The following HELLS variants were observed in gnomAD, a reference collection of about 807,000 sequenced individuals.
HELLS encodes the protein helicase, lymphoid specific.
Under a neutral mutation model 120.0 loss-of-function variants are expected in HELLS, and 32 were observed. That is an observed-to-expected ratio of 0.27 (90% confidence interval 0.20 to 0.36). HELLS has a LOEUF of 0.36. Among genes scored for constraint, HELLS ranks in the 10% least tolerant of loss-of-function variants. The probability of loss-of-function intolerance (pLI) is 1.00; values close to 1 mark genes in which losing one functional copy is unlikely to be tolerated. For missense variants in HELLS, 650 were observed against 993.4 expected (o/e 0.65, Z 4.65); for synonymous variants, 341 against 323.4 (o/e 1.05, Z -0.58).
chr10:94,564,757 G>T (rs929068802), intron 6 of HELLS, among the ~76,000 whole-genome samples: 2 of 151,950 alleles, frequency 1.3e-5, no homozygotes, highest in Admixed American at 1.3e-4. Flanking sequence ...GGGATTACAG[G>T]TACCTATTTG....
At chr10:94,602,191 T>C (rs1846065747), downstream of HELLS, 1 of 152,222 alleles carries the variant, frequency 6.6e-6, no homozygotes, top group Non-Finnish European at 1.5e-5. Flanking sequence ...GTTTTCTTGG[T>C]TTCATTCACT....
At chr10:94,567,912 T>TC (rs1392844981) in intron 6 of HELLS, among the ~76,000 whole-genome samples, 1 of 72,382 alleles carries the variant, frequency 1.4e-5, no homozygotes, top group Non-Finnish European at 3.1e-5. Flanking sequence ...CTGGTTTTTT[T>TC]TTTTTTTTTT....
In HELLS at chr10:94,590,527, A is replaced by G; in HGVS notation, c.1603A>G (p.Ile535Val). The G allele has an allele frequency of 3.1e-6, 5 of 1,611,970 alleles. No homozygotes were observed. The highest frequency in any genetic ancestry group is 4.2e-6 in the Non-Finnish European group (5 of 1,179,590). Residue 535 changes from isoleucine to valine, a missense_variant, in exon 14 of 22, where the codon ATA (isoleucine) becomes GTA (valine). Physicochemically the swap from Ile to Val is conservative, Grantham distance 29. Transcript: ENST00000348459. Reference protein sequence around the residue: ...PNELEKLISQIQPEVDRERAV... With the variant: ...PNELEKLISQVQPEVDRERAV... ...TGAATTGGAAAAACTGATCAGTCAA[A>G]TACAGCCAGAGGTGGACCGAGAAAG...
chr10:94,596,777 C>T (rs1463720131), intron 19 of HELLS, 83 bp from the exon 20 acceptor site: 6 of 714,800 alleles, frequency 8.4e-6, no homozygotes, highest in Non-Finnish European at 1.2e-5. Context: ...CTTCTTAATG[C>T]AAGCCATTGT....
At chr10:94,555,151 A>G (rs190019738) in intron 3 of HELLS, among the ~76,000 whole-genome samples, 64 of 150,252 alleles carry the variant, frequency 4.3e-4, no homozygotes, top group African/African-American at 1.5e-3. Context: ...TCAAAAATAA[A>G]ACAGGCTGGG....
At chr10:94,582,100 A>C (rs766874936) in intron 11 of HELLS, among the ~76,000 whole-genome samples, 1 of 152,230 alleles carries the variant, frequency 6.6e-6, no homozygotes, top group Admixed American at 6.5e-5. Flanking sequence ...TTTAAAACTG[A>C]TTACAACGGA....
intron 15 of HELLS, among the ~76,000 whole-genome samples, chr10:94,591,660 C>T (rs1473510610): frequency 2.0e-5 from 3 of 152,090 alleles, no homozygotes; most frequent in Non-Finnish European, 4.4e-5. Context: ...CCAAATATAC[C>T]CTGGGGATAG....
chr10:94,601,502 T>G (rs774585136), intron 21 of HELLS, 26 bp from the exon 22 acceptor site: 1 of 1,122,550 alleles, frequency 8.9e-7, no homozygotes, highest in East Asian at 2.4e-5. Context: ...TTCTAAAATG[T>G]ACCTGTTTTA....
At chr10:94,576,869 C>G in intron 10 of HELLS, 64 bp downstream of exon 10, 2 of 1,392,292 alleles carry the variant, frequency 1.4e-6, no homozygotes, top group Non-Finnish European at 2.0e-6. Flanking sequence ...ATTTATATCA[C>G]TTTCTCACCA....
chr10:94,558,322 C>A (rs903456566), intron 4 of HELLS, 127 bp downstream of exon 4: 3 of 1,135,202 alleles, frequency 2.6e-6, no homozygotes, highest in Non-Finnish European at 3.5e-6. Flanking sequence ...AACTTTGTTA[C>A]AAGCAATGCA....
intron 9 of HELLS, among the ~76,000 whole-genome samples, chr10:94,576,415 G>C (rs977139825): frequency 6.6e-5 from 10 of 152,000 alleles, no homozygotes; most frequent in Non-Finnish European, 4.4e-5. Flanking sequence ...GCTTCCCAAA[G>C]TGTTGAGATT....
chr10:94,613,297 A>AT (rs1307464310), exon 10 of HELLS: 2 of 151,726 alleles, frequency 1.3e-5, no homozygotes, highest in Admixed American at 6.6e-5. Context: ...CTTCCATTTT[A>AT]TTTTTTTGCA....
chr10:94,580,151 ATATAT>A (rs1433480493), intron 10 of HELLS, among the ~76,000 whole-genome samples: 16 of 75,444 alleles, frequency 2.1e-4, no homozygotes, highest in Non-Finnish European at 3.5e-4. Flanking sequence ...ATATATATAT[ATATAT>A]ATATATACAC....
At chr10:94,609,008 CCTCTT>C (rs1846158864) in intron 9 of HELLS, among the ~76,000 whole-genome samples, 1 of 137,384 alleles carries the variant, frequency 7.3e-6, no homozygotes. Flanking sequence ...TCTGTATCCA[CCTCTT>C]TTTTTTTTTT....
Position 94,554,211 on chromosome 10 carries a change from A to C in HELLS, c.239A>C (p.Lys80Thr). 6.3e-7 allele frequency: 1 copy of C among 1,575,206 alleles called. No individual in the cohort carries two copies. ...HLLEKSNIYS[K>T]FLLTKMEQQQ... The stretch of plus-strand genomic sequence containing the variant: ...CTTGAAAAAAGCAATATATACTCCA[A>C]ATTTTTATTGACGAAAATGGAACAG... The change falls in exon 3 of 22, where the codon AAA becomes ACA. Residue 80 changes from lysine to threonine, a missense_variant. Physicochemically the swap from Lys to Thr is moderately conservative, Grantham distance 78 (BLOSUM62 -1). Coordinates refer to ENST00000348459, the MANE Select transcript of HELLS (RefSeq NM_018063.5).
rs1451249854 is a variant in HELLS, at chr10:94,584,210, T to C, written c.1326+1151T>C. The C allele has an allele frequency of 1.8e-5, 8 of 449,106 alleles. No homozygotes were observed. In the Admixed American group the frequency reaches 3.1e-4, roughly 17 times the overall value. The allele number at this position is 449,106 out of a possible 1,614,324, so 27.8% of individuals were successfully genotyped here. A position where few individuals can be genotyped will look rare whatever the true frequency, so the allele number is the denominator to read the frequency against. On this transcript the variant is annotated intron_variant, in intron 12 of 21. Coordinates refer to ENST00000348459, the MANE Select transcript of HELLS (RefSeq NM_018063.5). ...TGTTTATTGACTATTGGTAGTTCCT[T>C]GTGGCCATATTCCAACATGTGTTGG...
Position 94,545,842 on chromosome 10 carries a change from G to C in HELLS, c.-80G>C. ...GGGGATTTGGCTAGAAGGCTGGGCC[G>C]GCAGCGGTTGTGAGGAGTTAGCTCG... On this transcript the variant is annotated 5_prime_UTR_variant, in exon 1 of 22. Coordinates refer to ENST00000348459, the MANE Select transcript of HELLS (RefSeq NM_018063.5). 1 of 1,466,680 alleles carries C rather than the reference G, an allele frequency of 6.8e-7. No homozygotes were observed. Among genetic ancestry groups the C allele is most frequent in the Middle Eastern group, 1.7e-4 (1 of 5,812 alleles). The allele number at this position is 1,466,680 out of a possible 1,614,324, so 90.9% of individuals were successfully genotyped here.
At chr10:94,575,406 C>T (rs1235548276) in intron 9 of HELLS, among the ~76,000 whole-genome samples, 1 of 151,568 alleles carries the variant, frequency 6.6e-6, no homozygotes, top group East Asian at 1.9e-4. Flanking sequence ...CCGGGCCCAG[C>T]CCTTCTGCAC....
At chr10:94,588,934 G>T (rs1357476729) in intron 13 of HELLS, among the ~76,000 whole-genome samples, 1 of 152,110 alleles carries the variant, frequency 6.6e-6, no homozygotes, top group Non-Finnish European at 1.5e-5. Flanking sequence ...ATCACCTGAG[G>T]TCGGGAATTT....
Sources: gnomAD v4.1 joint callset for allele counts (sites outside exome capture counted in the v4.1 genomes callset) on GRCh38, gnomAD v4.1.1 for gene constraint, MANE v1.5 for transcripts, NCBI Gene and HGNC (gene_info 2026-07-23, HGNC 2026-07-21) for gene names.